The following OAS3 variants were observed in gnomAD, a reference collection of about 807,000 sequenced individuals.
OAS3 encodes 2'-5'-oligoadenylate synthetase 3, also known as 2'-5'-oligoadenylate synthase 3.
OAS3 carries 107 observed loss-of-function variants against 113.0 expected under a neutral mutation model. The observed-to-expected ratio is 0.95, with a 90% CI of 0.81 to 1.11. The LOEUF is 1.11. Among genes scored for constraint, OAS3 ranks in the 50% most tolerant of loss-of-function variants. The pLI is 0.00. For missense variants in OAS3, 1,258 were observed against 1,389.1 expected, an observed-to-expected ratio of 0.91 and a Z score of 1.50; for synonymous variants, 552 against 573.6, an observed-to-expected ratio of 0.96 and a Z score of 0.54.
intron 7 of OAS3, among the ~76,000 whole-genome samples, chr12:112,952,463 A>G (rs776040474): frequency 1.8e-4 from 27 of 152,228 alleles, no homozygotes; most frequent in Non-Finnish European, 3.7e-4. Flanking sequence ...CAATGATATA[A>G]TGATCTTCAA....
At chr12:112,959,099 G>A (rs2043860263) in intron 7 of OAS3, among the ~76,000 whole-genome samples, 1 of 152,210 alleles carries the variant, frequency 6.6e-6, no homozygotes, top group Admixed American at 6.5e-5. Context: ...TCAGACTGCT[G>A]TGCTAACAGT....
intron 8 of OAS3, 32 bp downstream of exon 8, chr12:112,961,278 A>C (rs776377893): frequency 3.7e-6 from 6 of 1,602,622 alleles, no homozygotes; most frequent in Admixed American, 1.7e-5. Context: ...CCAGGAAGCC[A>C]CCACTGTCAT....
In OAS3 at chr12:112,938,700, C is replaced by T. The variant is rs776183927; in HGVS notation, c.170C>T (p.Thr57Ile). 20 of 1,559,704 alleles carry T rather than the reference C, an allele frequency of 1.3e-5. No homozygotes were observed. The highest frequency in any genetic ancestry group is 1.6e-5 in the Non-Finnish European group (18 of 1,154,722). ...GCTGCTGCCCCGCGGGTGCTGAAAACTGTCAAGGTGAGGTCCCACCTCGGG... is the reference window on the plus strand; with the variant it reads ...GCTGCTGCCCCGCGGGTGCTGAAAATTGTCAAGGTGAGGTCCCACCTCGGG... ...LGAAAPRVLK[T>I]VKGGSSGRGT... The change falls in exon 1 of 16, where the codon ACT becomes ATT. Residue 57 changes from threonine to isoleucine, a missense_variant. By Grantham distance (89) the Thr-to-Ile change is moderately conservative. Transcript: ENST00000228928.
chr12:112,961,549 G>T (rs532447853), intron 8 of OAS3, among the ~76,000 whole-genome samples: 3 of 151,632 alleles, frequency 2.0e-5, no homozygotes, highest in Non-Finnish European at 4.4e-5. Flanking sequence ...CCTCCAAGCC[G>T]TTGCTTATGA....
intron 14 of OAS3, among the ~76,000 whole-genome samples, chr12:112,969,021 G>C (rs2043960809): frequency 6.6e-6 from 1 of 152,168 alleles, no homozygotes; most frequent in Non-Finnish European, 1.5e-5. Flanking sequence ...GTTGTGATTT[G>C]ACTCAGCTGG....
At chr12:112,960,925 T>A (rs1415498393) in intron 7 of OAS3, 146 bp from the exon 8 acceptor site, 1 of 793,784 alleles carries the variant, frequency 1.3e-6, no homozygotes, top group African/African-American at 1.8e-5. Context: ...TAGCTCTGAT[T>A]GTTATTCAAT....
At chr12:112,946,626 G>A in intron 3 of OAS3, 117 bp from the exon 4 acceptor site, 1 of 861,374 alleles carries the variant, frequency 1.2e-6, no homozygotes, top group Non-Finnish European at 1.8e-6. Context: ...AACAGGCTTG[G>A]AACACAGCAT....
chr12:112,965,444 G>A (rs535752016), intron 11 of OAS3, among the ~76,000 whole-genome samples: 1 of 152,320 alleles, frequency 6.6e-6, no homozygotes, highest in Admixed American at 6.5e-5. Context: ...GGTGCAGACA[G>A]GCTTGGGAGC....
intron 14 of OAS3, among the ~76,000 whole-genome samples, chr12:112,968,859 A>C (rs1475206013): frequency 1.3e-5 from 2 of 152,222 alleles, no homozygotes; most frequent in Non-Finnish European, 2.9e-5. Context: ...CTGTGAACCC[A>C]CCCAGGTGCC....
At chr12:112,940,893 C>T (rs1457515742) in intron 1 of OAS3, among the ~76,000 whole-genome samples, 6 of 152,176 alleles carry the variant, frequency 3.9e-5, no homozygotes, top group African/African-American at 1.4e-4. Flanking sequence ...GTCCCAGCTA[C>T]TCAGGAGGCT....
intron 7 of OAS3, among the ~76,000 whole-genome samples, chr12:112,951,381 T>C (rs1209923252): frequency 1.3e-5 from 2 of 152,186 alleles, no homozygotes; most frequent in African/African-American, 4.8e-5. Context: ...TTAGTAATTA[T>C]CAGTTTTAGT....
intron 12 of OAS3, among the ~76,000 whole-genome samples, chr12:112,966,708 C>T (rs1055498850): frequency 2.6e-5 from 4 of 152,172 alleles, no homozygotes; most frequent in Admixed American, 2.6e-4. Context: ...GTGGCACCAT[C>T]ATGACTCAAT....
At chr12:112,957,695 C>T (rs1298881131) in intron 7 of OAS3, among the ~76,000 whole-genome samples, 4 of 152,158 alleles carry the variant, frequency 2.6e-5, no homozygotes, top group Non-Finnish European at 5.9e-5. Context: ...GAGTTTCTGC[C>T]GAGAGATCTG....
chr12:112,939,747 C>A (rs2043662662), intron 1 of OAS3, among the ~76,000 whole-genome samples: 1 of 152,160 alleles, frequency 6.6e-6, no homozygotes, highest in Non-Finnish European at 1.5e-5. Context: ...AGGGAGGAGA[C>A]AAGTCATGAG....
intron 7 of OAS3, among the ~76,000 whole-genome samples, chr12:112,960,329 A>T (rs1015908822): frequency 2.0e-5 from 3 of 151,796 alleles, no homozygotes; most frequent in Non-Finnish European, 4.4e-5. Context: ...CTCACAGGGG[A>T]TTTTCTTTTT....
intron 6 of OAS3, 35 bp from the exon 7 acceptor site, chr12:112,950,658 A>G: frequency 6.2e-7 from 1 of 1,607,616 alleles, no homozygotes; most frequent in South Asian, 1.1e-5. Context: ...AGGCTCCTAG[A>G]GGGTCCCTGA....
Position 112,963,541 on chromosome 12 carries a change from C to A in OAS3, c.2229+84C>A. 1 of 1,330,798 alleles carries A rather than the reference C, an allele frequency of 7.5e-7. No individual in the cohort carries two copies. Among genetic ancestry groups the A allele is most frequent in the Non-Finnish European group, 9.8e-7 (1 of 1,017,368 alleles). The allele number at this position is 1,330,798 out of a possible 1,614,324, so 82.4% of individuals were successfully genotyped here. On this transcript the variant is annotated intron_variant, in intron 10 of 15. Coordinates refer to ENST00000228928, the MANE Select transcript of OAS3 (RefSeq NM_006187.4). The surrounding 1 kb of genome is among the most constrained non-coding windows in gnomAD (Gnocchi z 4.6). Reference sequence around the variant, plus strand: ...CCTTAACCTGCCGGTGCACCCATCCCCAGCTGCTAGGAGTGTTGGTGGCTG... The same window carrying A: ...CCTTAACCTGCCGGTGCACCCATCCACAGCTGCTAGGAGTGTTGGTGGCTG...
At chr12:112,942,176 T>C (rs1231403426) in intron 2 of OAS3, 6 of 539,368 alleles carry the variant, frequency 1.1e-5, no homozygotes, top group African/African-American at 9.4e-5. Context: ...CAAGTGGACA[T>C]GTGGCTAGCA....
At chr12:112,958,201 T>A (rs1287849410) in intron 7 of OAS3, among the ~76,000 whole-genome samples, 2 of 152,226 alleles carry the variant, frequency 1.3e-5, no homozygotes, top group East Asian at 3.8e-4. Flanking sequence ...TCATTTAAGG[T>A]CTTTTCTATG....
Sources: allele counts gnomAD v4.1 joint callset (sites outside exome capture counted in the v4.1 genomes callset), GRCh38; gene constraint gnomAD v4.1.1; non-coding constraint Gnocchi (gnomAD v3.1); transcripts MANE v1.5; gene names NCBI Gene and HGNC (gene_info 2026-07-23, HGNC 2026-07-21).